The following ADAM19 variants were observed in gnomAD, a reference collection of about 807,000 sequenced individuals.
The protein encoded by ADAM19 is disintegrin and metalloproteinase domain-containing protein 19.
In ADAM19, 65 loss-of-function variants were observed where a neutral mutation model predicts 114.7. The observed-to-expected ratio is 0.57, with a 90% CI of 0.46 to 0.70. ADAM19 has a LOEUF of 0.70. Among genes scored for constraint, ADAM19 ranks in the 30% least tolerant of loss-of-function variants. ADAM19 has a pLI of 0.00. For synonymous variants in ADAM19, 466 were observed against 460.5 expected (o/e 1.01, Z -0.15); for missense variants, 1,063 against 1,204.7 (o/e 0.88, Z 1.74).
intron 14 of ADAM19, among the ~76,000 whole-genome samples, chr5:157,495,434 A>G (rs1025505825): frequency 1.3e-5 from 2 of 152,200 alleles, no homozygotes; most frequent in Non-Finnish European, 2.9e-5. Context: ...ATACATGCAT[A>G]ATATTTTAAA....
chr5:157,552,722 C>T (rs979362545), intron 3 of ADAM19, among the ~76,000 whole-genome samples: 3 of 141,804 alleles, frequency 2.1e-5, no homozygotes, highest in Non-Finnish European at 3.1e-5. Flanking sequence ...ATACTGAAGA[C>T]ATACCTGTGC....
At chr5:157,548,102 T>C (rs934325125) in intron 3 of ADAM19, among the ~76,000 whole-genome samples, 2 of 152,176 alleles carry the variant, frequency 1.3e-5, no homozygotes, top group African/African-American at 4.8e-5. Flanking sequence ...TGGCACATAC[T>C]CCCTATTGTA....
chr5:157,520,070 T>C (rs1049471761), intron 5 of ADAM19, 39 bp from the exon 6 acceptor site: 3 of 1,575,804 alleles, frequency 1.9e-6, no homozygotes, highest in Non-Finnish European at 2.6e-6. Flanking sequence ...TCAAAGATTA[T>C]GGTTCTGAAA....
intron 5 of ADAM19, among the ~76,000 whole-genome samples, chr5:157,522,651 T>C (rs1756334608): frequency 6.6e-6 from 1 of 152,202 alleles, no homozygotes; most frequent in African/African-American, 2.4e-5. Context: ...CCAGGCGTAC[T>C]GGCGGGTGCC....
At chr5:157,486,380 A>G (rs1349930131) in intron 21 of ADAM19, among the ~76,000 whole-genome samples, 1 of 152,048 alleles carries the variant, frequency 6.6e-6, no homozygotes, top group Non-Finnish European at 1.5e-5. Context: ...AGAGACACCC[A>G]CCTGGGACCC....
At chr5:157,549,948 C>A (rs924817744) in intron 3 of ADAM19, among the ~76,000 whole-genome samples, 1 of 152,132 alleles carries the variant, frequency 6.6e-6, no homozygotes, top group African/African-American at 2.4e-5. Flanking sequence ...TACTACAACA[C>A]GAATAAACCT....
intron 16 of ADAM19, 71 bp downstream of exon 16, chr5:157,492,902 T>C: frequency 6.5e-7 from 1 of 1,537,374 alleles, no homozygotes; most frequent in Middle Eastern, 2.0e-4. Context: ...CAGGCATCCT[T>C]CCCTCAGACC....
chr5:157,498,526 A>T (rs1755438422), intron 13 of ADAM19, among the ~76,000 whole-genome samples: 1 of 152,150 alleles, frequency 6.6e-6, no homozygotes, highest in African/African-American at 2.4e-5. Context: ...CTGGCCCCTA[A>T]CGAGCACTCA....
At chr5:157,523,258 G>A (rs932507968) in intron 5 of ADAM19, among the ~76,000 whole-genome samples, 3 of 152,178 alleles carry the variant, frequency 2.0e-5, no homozygotes, top group African/African-American at 7.2e-5. Context: ...ATCTCTAGGA[G>A]CAGAGGTCTC....
intron 7 of ADAM19, among the ~76,000 whole-genome samples, chr5:157,517,526 T>C (rs1321245132): frequency 6.6e-6 from 1 of 152,168 alleles, no homozygotes; most frequent in East Asian, 1.9e-4. Context: ...AGGTGTCTGC[T>C]TCAATGTCAG....
At position 157,489,048 on chromosome 5, in the gene ADAM19, T is replaced by G; in HGVS notation, c.2325+54A>C. On this transcript the variant is annotated intron_variant, in intron 20 of 22. Coordinates refer to ENST00000257527, the MANE Select transcript of ADAM19 (RefSeq NM_033274.5). ...CCATCTCAAAAAGAAAAATACAGCA[T>G]GGCCCTGAGGGATAAAGGAAAAGTA... 4.3e-6 allele frequency: 5 copies of G among 1,171,542 alleles called. No individual in the cohort carries two copies. The Admixed American group carries it at 7.8e-5, about 18-fold the overall frequency. 72.6% of individuals were successfully genotyped at this position (1,171,542 alleles called of 1,614,324 possible). A position where few individuals can be genotyped will look rare whatever the true frequency, so the allele number is the denominator to read the frequency against.
At chr5:157,487,059 G>C (rs1754958469) in intron 21 of ADAM19, among the ~76,000 whole-genome samples, 1 of 152,092 alleles carries the variant, frequency 6.6e-6, no homozygotes, top group South Asian at 2.1e-4. Flanking sequence ...CCAGCACCTT[G>C]ACCTTGGACT....
At chr5:157,551,411 C>CAAAAAAAAA (rs1307546089) in intron 3 of ADAM19, among the ~76,000 whole-genome samples, 3 of 73,482 alleles carry the variant, frequency 4.1e-5, no homozygotes, top group African/African-American at 6.1e-5. Flanking sequence ...CCCCCCAACC[C>CAAAAAAAAA]CAAAAAAAAA....
At chr5:157,570,123 C>T (rs1581363147) in intron 2 of ADAM19, among the ~76,000 whole-genome samples, 2 of 151,986 alleles carry the variant, frequency 1.3e-5, no homozygotes, top group Admixed American at 6.6e-5. Context: ...AGCCTGGCTT[C>T]GCAGCACACA....
intron 8 of ADAM19, among the ~76,000 whole-genome samples, chr5:157,511,166 A>T (rs562581528): frequency 2.0e-5 from 3 of 152,206 alleles, no homozygotes; most frequent in Non-Finnish European, 4.4e-5. Flanking sequence ...TGATGGGTCC[A>T]CCCTACAAAT....
rs996602779 is a variant in ADAM19 at position 157,556,989 on chromosome 5, T to C, written c.251+7384A>G. ...TTCACCTCCTGGGCTCAAAAGATCC[T>C]CCCACTAAAGCTTCCTGAGTAGCTG... is the stretch of plus-strand genomic sequence containing the variant. On this transcript the variant is annotated intron_variant, in intron 3 of 22. Transcript: ENST00000257527. Among the ~76,000 whole-genome samples the C allele has an allele frequency of 8.5e-5, 13 of 152,204 alleles. 1 individual carries two copies. Among genetic ancestry groups the C allele is most frequent in the Admixed American group, 6.5e-4 (10 of 15,296 alleles).
At chr5:157,537,780 C>G in intron 4 of ADAM19, 133 bp downstream of exon 4, 1 of 716,822 alleles carries the variant, frequency 1.4e-6, no homozygotes, top group Admixed American at 2.8e-5. Flanking sequence ...TTCTCGTTTG[C>G]TCCCTTGGTC....
chr5:157,519,901 T>C lies in ADAM19; in HGVS notation c.538A>G (p.Lys180Glu). 1 of 1,614,064 alleles carries C rather than the reference T, an allele frequency of 6.2e-7. No homozygotes were observed. ...PPGNCGFEHS[K>E]PTTRDWALQF... ...AGAGCCCAGTCCCTGGTGGTGGGCT[T>C]GGAGTGCTCGAACCCACAGTTTCCC... Residue 180 changes from lysine (K) to glutamate (E), a missense_variant, in exon 6 of 23, where the codon AAG becomes GAG. Lys to Glu is a moderately conservative substitution (Grantham distance 56, BLOSUM62 1). Around this residue, in one of 3 missense-constraint regions of ADAM19, gnomAD observed 615 missense variants for 706.3 expected, o/e 0.87. Transcript: ENST00000257527.
intron 14 of ADAM19, 35 bp from the exon 15 acceptor site, chr5:157,494,830 T>A (rs1410850054): frequency 3.2e-6 from 5 of 1,569,676 alleles, no homozygotes; most frequent in Non-Finnish European, 3.5e-6. Context: ...AGTATACTCA[T>A]CTGTCAGAAG....
Sources: allele counts gnomAD v4.1 joint callset (sites outside exome capture counted in the v4.1 genomes callset), GRCh38; gene constraint gnomAD v4.1.1; regional missense constraint gnomAD v4.1.1; transcripts MANE v1.5; gene names NCBI Gene and HGNC (gene_info 2026-07-23, HGNC 2026-07-21).